RPL14: variants seen among roughly 807,000 people sequenced by gnomAD.
The protein encoded by RPL14 is large ribosomal subunit protein eL14.
In RPL14, 4 loss-of-function variants were observed where a neutral mutation model predicts 25.3. That is an observed-to-expected ratio of 0.16 (90% CI 0.08 to 0.36). The LOEUF is 0.36. RPL14 is among the 10% of genes least tolerant of loss of function. The pLI is 1.00. For missense variants in RPL14, 212 were observed against 261.9 expected (o/e 0.81, Z 1.31); for synonymous variants, 75 against 89.8 (o/e 0.84, Z 0.93).
chr3:40,463,612 T>C lies in RPL14; in HGVS notation c.*1380T>C, dbSNP rs1267336880. On this transcript the variant is annotated 3_prime_UTR_variant, in exon 6 of 6. Coordinates refer to ENST00000396203, the MANE Select transcript of RPL14 (RefSeq NM_001034996.3). ...AGCTCTAACCTCTGAAACTGAGCTATGACACTACAATTTAAAAATCCCTAG... is the reference window on the plus strand; with the variant it reads ...AGCTCTAACCTCTGAAACTGAGCTACGACACTACAATTTAAAAATCCCTAG... The C allele has an allele frequency of 6.6e-6, 1 of 152,206 alleles. No homozygotes were observed. Among genetic ancestry groups the C allele is most frequent in the Non-Finnish European group, 1.5e-5 (1 of 68,042 alleles). 9.4% of individuals were successfully genotyped at this position (152,206 alleles called of 1,614,324 possible). A position where few individuals can be genotyped will look rare whatever the true frequency, so the allele number is the denominator to read the frequency against.
At chr3:40,458,852 A>G (rs1575250202) in intron 3 of RPL14, 116 bp downstream of exon 3, 2 of 764,216 alleles carry the variant, frequency 2.6e-6, no homozygotes, top group East Asian at 2.6e-5. Flanking sequence ...AGGGATTTGC[A>G]TCATAGAAGT....
intron 1 of RPL14, 66 bp from the exon 2 acceptor site, chr3:40,457,824 C>A: frequency 1.4e-6 from 2 of 1,394,306 alleles, no homozygotes; most frequent in Non-Finnish European, 1.0e-6. Context: ...TCTTTAGCTG[C>A]AGAAGGTGAC....
At position 40,458,007 on chromosome 3, in the gene RPL14, T is replaced by C; in HGVS notation, c.105+16T>C. ...TCAGAACAGGGTAAGTGTCACAACT[T>C]TTTACTAAACATGGCAGTGGACATG... On this transcript the variant is annotated intron_variant, in intron 2 of 5. Coordinates refer to ENST00000396203, the MANE Select transcript of RPL14 (RefSeq NM_001034996.3). 3 of 1,608,142 alleles carry C rather than the reference T, an allele frequency of 1.9e-6. No homozygotes were observed. The highest frequency in any genetic ancestry group is 1.7e-6 in the Non-Finnish European group (2 of 1,174,652).
At chr3:40,458,976 A>G (rs1375341616) in intron 3 of RPL14, 2 of 445,348 alleles carry the variant, frequency 4.5e-6, no homozygotes, top group Non-Finnish European at 8.2e-6. Flanking sequence ...AAGTTTCAAG[A>G]CCAGCATGGG....
At chr3:40,458,764 C>T in intron 3 of RPL14, 28 bp downstream of exon 3, 2 of 1,574,370 alleles carry the variant, frequency 1.3e-6, no homozygotes, top group South Asian at 1.1e-5. Flanking sequence ...ACTCCTCCCT[C>T]CCATCCCCAG....
At position 40,464,499 on chromosome 3, in the gene RPL14, A is replaced by G. The variant is rs1487817177; in HGVS notation, c.*2267A>G. On this transcript the variant is annotated 3_prime_UTR_variant, in exon 6 of 6. Transcript: ENST00000396203. ...TGTAAGGGGAAGAATGACACGAGAT[A>G]GGAAATAAACGAACTGATAGTGTAG... The G allele has an allele frequency of 2.2e-6, 1 of 456,082 alleles. No individual in the cohort carries two copies. The highest frequency in any genetic ancestry group is 6.9e-5 in the East Asian group (1 of 14,396). 28.3% of individuals were successfully genotyped at this position (456,082 alleles called of 1,614,324 possible).
rs752184058 is a variant in RPL14 at position 40,457,451 on chromosome 3, C to T, written c.-21C>T. ...GGGAAGCTGAGGCGCCAAACGGCTC[C>T]CAGAGGGTCCCGGGAAGCGCATGGT... On this transcript the variant is annotated 5_prime_UTR_variant, in exon 1 of 6. Coordinates refer to ENST00000396203, the MANE Select transcript of RPL14 (RefSeq NM_001034996.3). 6.3e-7 allele frequency: 1 copy of T among 1,575,626 alleles called. No individual in the cohort carries two copies.
chr3:40,458,753 C>T lies in RPL14; in HGVS notation c.200+17C>T. The T allele has an allele frequency of 6.2e-7, 1 of 1,600,128 alleles. No individual in the cohort carries two copies. The highest frequency in any genetic ancestry group is 8.6e-7 in the Non-Finnish European group (1 of 1,167,384). On this transcript the variant is annotated intron_variant, in intron 3 of 5. Coordinates refer to ENST00000396203, the MANE Select transcript of RPL14 (RefSeq NM_001034996.3). The stretch of plus-strand genomic sequence containing the variant: ...TCCGCACAGGTAACTGTCCACTAAT[C>T]ACTCCTCCCTCCCATCCCCAGATTT...
Position 40,462,692 on chromosome 3 carries a change from T to G in RPL14, c.*460T>G, listed in dbSNP as rs546064590. 4.5e-5 allele frequency: 7 copies of G among 156,018 alleles called. No individual in the cohort carries two copies. Among genetic ancestry groups the G allele is most frequent in the African/African-American group, 1.7e-4 (7 of 41,560 alleles). 9.7% of individuals were successfully genotyped at this position (156,018 alleles called of 1,614,324 possible). ...CGCCTGGCCTAAATAATCAGTTCTT[T>G]AATCTCACTCTCTGCCCATACTTGG... On this transcript the variant is annotated 3_prime_UTR_variant, in exon 6 of 6. Coordinates refer to ENST00000396203, the MANE Select transcript of RPL14 (RefSeq NM_001034996.3).
rs34838105 is a variant in RPL14 at position 40,463,973 on chromosome 3, C to CTT, written c.*1756_*1757dup. 805 of 143,868 alleles carry CTT rather than the reference C, an allele frequency of 5.6e-3. 7 individuals are homozygous for CTT. Among genetic ancestry groups the CTT allele is most frequent in the Middle Eastern group, 0.011 (3 of 278 alleles). 8.9% of individuals were successfully genotyped at this position (143,868 alleles called of 1,614,324 possible). A position where few individuals can be genotyped will look rare whatever the true frequency, so the allele number is the denominator to read the frequency against. On this transcript the variant is annotated 3_prime_UTR_variant, in exon 6 of 6. Transcript: ENST00000396203. ...CAAAGCTGTACATGAAACAGGATTA[C>CTT]TTTTTTTTTTTTTTTTGAGACAGAG...
chr3:40,457,850 T>A (rs1696868122), intron 1 of RPL14, 40 bp from the exon 2 acceptor site: 1 of 1,553,734 alleles, frequency 6.4e-7, no homozygotes, highest in African/African-American at 1.4e-5. Flanking sequence ...TAGCGAGTAT[T>A]TCTAAGTAAG....
intron 2 of RPL14, 163 bp from the exon 3 acceptor site, chr3:40,458,473 CATACAT>C (rs750294120): frequency 1.3e-4 from 80 of 604,642 alleles, no homozygotes; most frequent in South Asian, 9.5e-4. Context: ...GAGCAAAAGA[CATACAT>C]ATATATAACC....
rs1162195244 is a variant in RPL14, at chr3:40,466,496, C to T, written c.*4264C>T. ...GACCAGCCTGGCCAATGTGGTGAAA[C>T]CCTGTCTCTACTAAAAATCAAAAAA... On this transcript the variant is annotated 3_prime_UTR_variant, in exon 6 of 6. Transcript: ENST00000396203. The T allele has an allele frequency of 7.1e-6, 1 of 140,794 alleles. No homozygotes were observed. The highest frequency in any genetic ancestry group is 1.5e-5 in the Non-Finnish European group (1 of 65,604). The allele number at this position is 140,794 out of a possible 1,614,324, so 8.7% of individuals were successfully genotyped here. A position where few individuals can be genotyped will look rare whatever the true frequency, so the allele number is the denominator to read the frequency against.
At chr3:40,457,574 G>T (rs1258299295) in intron 1 of RPL14, 100 bp downstream of exon 1, 1 of 1,015,128 alleles carries the variant, frequency 9.9e-7, no homozygotes, top group Admixed American at 2.1e-5. Context: ...GGCCCGGCAG[G>T]CCTGGCGCGC....
At chr3:40,461,282 T>A in intron 3 of RPL14, 125 bp from the exon 4 acceptor site, 1 of 716,858 alleles carries the variant, frequency 1.4e-6, no homozygotes, top group East Asian at 2.7e-5. Context: ...CAAAAATAAG[T>A]AAAATACATA....
In RPL14 at chr3:40,457,417, ACCT is replaced by A; in HGVS notation, c.-52_-50del. ...CCGTCGACCATGCCGCTCGACCTCC[ACCT>A]CCGCTGGGAAGCTGAGGCGCCAAAC... On this transcript the variant is annotated 5_prime_UTR_variant, in exon 1 of 6. Transcript: ENST00000396203. 6.3e-7 allele frequency: 1 copy of A among 1,589,692 alleles called. No homozygotes were observed. The highest frequency in any genetic ancestry group is 1.1e-5 in the South Asian group (1 of 88,828).
rs1424026222 is a variant in RPL14 at position 40,465,836 on chromosome 3, CTG to C, written c.*3605_*3606del. On this transcript the variant is annotated 3_prime_UTR_variant, in exon 6 of 6. Transcript: ENST00000396203. ...AATCTTGGAATCTCTAGGAAAGTAA[CTG>C]AGGCATACGATGCCTGAAAAGGAGT... 1.3e-5 allele frequency: 2 copies of C among 152,192 alleles called. No individual in the cohort carries two copies. The highest frequency in any genetic ancestry group is 4.8e-5 in the African/African-American group (2 of 41,538). The allele number at this position is 152,192 out of a possible 1,614,324, so 9.4% of individuals were successfully genotyped here.
rs957952771 is a variant in RPL14 at position 40,465,397 on chromosome 3, G to A, written c.*3165G>A. 1.3e-5 allele frequency: 2 copies of A among 152,148 alleles called. No individual in the cohort carries two copies. The highest frequency in any genetic ancestry group is 2.9e-5 in the Non-Finnish European group (2 of 68,040). The allele number at this position is 152,148 out of a possible 1,614,324, so 9.4% of individuals were successfully genotyped here. ...TAATAGGAGAGAAACTTAGCCCTTC[G>A]AAAAACAGGAAGGGATGGATCCTAG... On this transcript the variant is annotated 3_prime_UTR_variant, in exon 6 of 6. Coordinates refer to ENST00000396203, the MANE Select transcript of RPL14 (RefSeq NM_001034996.3).
intron 5 of RPL14, 120 bp from the exon 6 acceptor site, chr3:40,461,819 C>G: frequency 7.7e-7 from 1 of 1,302,464 alleles, no homozygotes; most frequent in Non-Finnish European, 1.1e-6. Flanking sequence ...GGAATTGTTA[C>G]CTTTCTTCAG....
Sources: allele counts gnomAD v4.1 joint callset, GRCh38; gene constraint gnomAD v4.1.1; transcripts MANE v1.5; gene names NCBI Gene and HGNC (gene_info 2026-07-23, HGNC 2026-07-21).